Variants in LINGO2 observed in about 807,000 individuals in gnomAD.
LINGO2 encodes the protein leucine-rich repeat and immunoglobulin-like domain-containing nogo receptor-interacting protein 2.
LINGO2 carries 14 observed loss-of-function variants against 30.6 expected under a neutral mutation model. The observed-to-expected ratio is 0.46, with a 90% confidence interval of 0.30 to 0.72. The LOEUF is 0.72. LINGO2 is among the 30% of genes least tolerant of loss of function. The probability of loss-of-function intolerance (pLI) is 0.07; values close to 1 mark genes in which losing one functional copy is unlikely to be tolerated. For synonymous variants in LINGO2, 317 were observed against 288.5 expected (o/e 1.10, Z -1.00); for missense variants, 729 against 751.7 (o/e 0.97, Z 0.35).
chr9:28,044,436 A>G (rs1341570802), intron 4 of LINGO2, among the ~76,000 whole-genome samples: 2 of 152,288 alleles, frequency 1.3e-5, no homozygotes, highest in East Asian at 1.9e-4. Flanking sequence ...TGCATCATGG[A>G]TCAGCTGTAA....
At chr9:28,523,631 C>T (rs1329293732) in intron 1 of LINGO2, among the ~76,000 whole-genome samples, 1 of 152,112 alleles carries the variant, frequency 6.6e-6, no homozygotes, top group African/African-American at 2.4e-5. Flanking sequence ...TGCATATACA[C>T]ACATTAGCAA....
At chr9:28,512,165 G>A (rs1587784099) in intron 1 of LINGO2, among the ~76,000 whole-genome samples, 2 of 152,074 alleles carry the variant, frequency 1.3e-5, no homozygotes, top group Non-Finnish European at 2.9e-5. Context: ...TGCTGTGCAT[G>A]AGCCACTTTA....
At chr9:28,347,408 T>C (rs1819629833) in intron 3 of LINGO2, among the ~76,000 whole-genome samples, 2 of 142,342 alleles carry the variant, frequency 1.4e-5, no homozygotes, top group African/African-American at 2.6e-5. Context: ...TACATACACA[T>C]TGAAGTTGAC....
chr9:29,198,297 A>G, the LINGO2 span, among the ~76,000 whole-genome samples: 5 of 152,178 alleles, frequency 3.3e-5, no homozygotes, highest in Non-Finnish European at 7.4e-5. Flanking sequence ...AGAACTTGTA[A>G]AAGTGGCTTT....
the LINGO2 span, among the ~76,000 whole-genome samples, chr9:28,761,752 TA>T: frequency 1.3e-5 from 2 of 152,000 alleles, no homozygotes; most frequent in African/African-American, 4.8e-5. Flanking sequence ...AAAAATATGG[TA>T]ACACAATTAG....
the LINGO2 span, among the ~76,000 whole-genome samples, chr9:28,876,497 G>GCC: frequency 4.0e-5 from 6 of 151,670 alleles, no homozygotes; most frequent in East Asian, 1.2e-3. Context: ...GAGAACACGT[G>GCC]GTGTTTGGTT....
chr9:29,075,329 T>G, the LINGO2 span, among the ~76,000 whole-genome samples: 4,615 of 152,270 alleles, frequency 0.03, 234 homozygotes, highest in African/African-American at 0.1. Flanking sequence ...TGCCAGAACA[T>G]TCAATTTTAT....
At chr9:28,332,274 T>C (rs1825448031) in intron 3 of LINGO2, among the ~76,000 whole-genome samples, 1 of 152,156 alleles carries the variant, frequency 6.6e-6, no homozygotes, top group African/African-American at 2.4e-5. Context: ...ATTAGGTTGA[T>C]GTCAAAGTAA....
chr9:29,202,414 T>A, the LINGO2 span, among the ~76,000 whole-genome samples: 1 of 151,982 alleles, frequency 6.6e-6, no homozygotes. Context: ...TACCAGATTA[T>A]TTTACTTTTA....
chr9:28,012,765 C>T (rs1311861783), intron 4 of LINGO2, among the ~76,000 whole-genome samples: 3 of 152,132 alleles, frequency 2.0e-5, no homozygotes, highest in Non-Finnish European at 2.9e-5. Flanking sequence ...GGGCAACTCC[C>T]ACTTATAGCC....
At chr9:28,598,436 A>C (rs1021816613) in intron 1 of LINGO2, among the ~76,000 whole-genome samples, 6 of 128,022 alleles carry the variant, frequency 4.7e-5, no homozygotes, top group South Asian at 2.3e-4. Flanking sequence ...AAAAAAAAAC[A>C]AAACAAACAA....
the LINGO2 span, among the ~76,000 whole-genome samples, chr9:28,788,128 T>A: frequency 6.6e-6 from 1 of 152,122 alleles, no homozygotes; most frequent in African/African-American, 2.4e-5. Flanking sequence ...AAAAAAGATA[T>A]CTACAAAAGA....
the LINGO2 span, among the ~76,000 whole-genome samples, chr9:28,875,625 T>A: frequency 6.6e-6 from 1 of 152,068 alleles, no homozygotes; most frequent in East Asian, 1.9e-4. Context: ...TTTCCCCACG[T>A]CGAAATTTTA....
At chr9:28,679,933 C>G in the LINGO2 span, among the ~76,000 whole-genome samples, 2 of 151,310 alleles carry the variant, frequency 1.3e-5, no homozygotes, top group Non-Finnish European at 2.9e-5. Flanking sequence ...TCTTCACATA[C>G]TTACCGTTTT....
At chr9:28,073,222 C>T (rs1825531938) in intron 4 of LINGO2, among the ~76,000 whole-genome samples, 3 of 152,126 alleles carry the variant, frequency 2.0e-5, no homozygotes, top group South Asian at 2.1e-4. Flanking sequence ...AACTCTCAAA[C>T]TTATCATTAG....
chr9:28,983,473 T>C, the LINGO2 span, among the ~76,000 whole-genome samples: 5 of 151,772 alleles, frequency 3.3e-5, no homozygotes, highest in Admixed American at 3.3e-4. Flanking sequence ...AATATAGTAA[T>C]AAATTAAAGT....
the LINGO2 span, among the ~76,000 whole-genome samples, chr9:29,084,685 C>G: frequency 1.3e-5 from 2 of 151,970 alleles, no homozygotes; most frequent in South Asian, 4.1e-4. Flanking sequence ...AAGCCCTTCT[C>G]TAGCCTGCTT....
At chr9:28,579,601 A>T (rs1323208226) in intron 1 of LINGO2, among the ~76,000 whole-genome samples, 2 of 152,122 alleles carry the variant, frequency 1.3e-5, no homozygotes, top group Admixed American at 1.3e-4. Flanking sequence ...GATTTTGCTC[A>T]AGCCACTGGC....
chr9:28,859,666 A>T, the LINGO2 span, among the ~76,000 whole-genome samples: 1 of 151,992 alleles, frequency 6.6e-6, no homozygotes, highest in East Asian at 1.9e-4. Flanking sequence ...ATTTAAATCA[A>T]AGCTAGGATC....
Sources: gnomAD v4.1 joint callset for allele counts (sites outside exome capture counted in the v4.1 genomes callset) on GRCh38, gnomAD v4.1.1 for gene constraint, MANE v1.5 for transcripts, NCBI Gene and HGNC (gene_info 2026-07-23, HGNC 2026-07-21) for gene names.